The following FAM167A variants were observed in gnomAD, a reference collection of about 807,000 sequenced individuals.
The protein encoded by FAM167A is family with sequence similarity 167 member A.
Under a neutral mutation model 14.9 loss-of-function variants are expected in FAM167A, and 23 were observed. The ratio of observed to expected loss-of-function variants is 1.55; its 90% CI spans 1.11 to 2.19. The LOEUF (loss-of-function observed/expected upper bound fraction) is 2.19. FAM167A is among the 30% of genes most tolerant of loss of function. The pLI is 0.00. For missense variants in FAM167A, 401 were observed against 281.5 expected, an observed-to-expected ratio of 1.42 and a Z score of -3.04; for synonymous variants, 174 against 117.7, an observed-to-expected ratio of 1.48 and a Z score of -3.10.
intron 2 of FAM167A, among the ~76,000 whole-genome samples, chr8:11,441,848 C>T (rs1003654897): frequency 1.3e-5 from 2 of 152,130 alleles, no homozygotes; most frequent in African/African-American, 4.8e-5. Flanking sequence ...CATTCTGTTG[C>T]CTGCTGACAT....
intron 1 of FAM167A, among the ~76,000 whole-genome samples, chr8:11,454,443 G>T (rs997280546): frequency 1.3e-5 from 2 of 152,234 alleles, no homozygotes. Flanking sequence ...AGCCAGGCCA[G>T]GCCCATCAGT....
chr8:11,436,429 G>T (rs1057251194), intron 2 of FAM167A, among the ~76,000 whole-genome samples: 1 of 152,178 alleles, frequency 6.6e-6, no homozygotes, highest in Non-Finnish European at 1.5e-5. Flanking sequence ...GTTCTTGCTG[G>T]GCCCCCGGCA....
chr8:11,459,528 G>C (rs1272565603), intron 1 of FAM167A, among the ~76,000 whole-genome samples: 1 of 152,228 alleles, frequency 6.6e-6, no homozygotes, highest in African/African-American at 2.4e-5. Flanking sequence ...GCAGTGCCAA[G>C]CACGTGGGTG....
intron 1 of FAM167A, among the ~76,000 whole-genome samples, chr8:11,455,203 C>T (rs1257522532): frequency 7.6e-6 from 1 of 131,318 alleles, no homozygotes; most frequent in East Asian, 2.3e-4. Context: ...GGTTGCCTTG[C>T]TCTGTGTGTG....
At chr8:11,465,812 T>G (rs1807740638) in intron 1 of FAM167A, among the ~76,000 whole-genome samples, 1 of 151,776 alleles carries the variant, frequency 6.6e-6, no homozygotes, top group African/African-American at 2.4e-5. Flanking sequence ...TGACGGGGAG[T>G]TTGTGGAAAC....
At chr8:11,438,374 T>A (rs141938075) in intron 2 of FAM167A, 1 of 448,942 alleles carries the variant, frequency 2.2e-6, no homozygotes, top group South Asian at 1.6e-5. Flanking sequence ...GTTGGGAGAT[T>A]GAAGGCCTTA....
Position 11,424,291 on chromosome 8 carries a change from G to T in FAM167A, c.*82C>A. 6.4e-7 allele frequency: 1 copy of T among 1,572,392 alleles called. No homozygotes were observed. Among genetic ancestry groups the T allele is most frequent in the Non-Finnish European group, 8.7e-7 (1 of 1,154,790 alleles). On this transcript the variant is annotated 3_prime_UTR_variant, in exon 3 of 3. Transcript: ENST00000284486. ...ACCCCTGCCTCCGGGAGACCCACTG[G>T]AGTAACTTGGCCTCAGCTTCCTCTG...
intron 1 of FAM167A, among the ~76,000 whole-genome samples, chr8:11,454,365 C>T (rs545489068): frequency 1.3e-5 from 2 of 152,260 alleles, no homozygotes; most frequent in South Asian, 2.1e-4. Context: ...CCTCCGTCAA[C>T]ACCTGTCTGG....
chr8:11,431,375 C>G (rs1410585272), intron 2 of FAM167A, among the ~76,000 whole-genome samples: 1 of 152,136 alleles, frequency 6.6e-6, no homozygotes, highest in African/African-American at 2.4e-5. Flanking sequence ...GACAGTGGTG[C>G]CAAGGGCTGG....
At chr8:11,456,847 G>A (rs946477247) in intron 1 of FAM167A, among the ~76,000 whole-genome samples, 1 of 147,642 alleles carries the variant, frequency 6.8e-6, no homozygotes, top group Admixed American at 6.8e-5. Context: ...TTAGGGAAGT[G>A]GGCAGGGCTG....
In FAM167A at chr8:11,444,331, G is replaced by T; in HGVS notation, c.81C>A (p.Leu27=). The T allele has an allele frequency of 6.2e-7, 1 of 1,610,756 alleles. No homozygotes were observed. Residue 27 remains leucine (L), a synonymous_variant, in exon 2 of 3, where the codon CTC becomes CTA. Transcript: ENST00000284486. ...AGAAAPPDDH[L]RSLKALTEKL... is the part of the protein sequence containing the mutation. ...TCTCGGTGAGGGCCTTCAGGCTCCG[G>T]AGGTGGTCATCGGGTGGTGCGGCTG...
chr8:11,432,226 A>G (rs1203769277), intron 2 of FAM167A, among the ~76,000 whole-genome samples: 5 of 152,200 alleles, frequency 3.3e-5, no homozygotes, highest in African/African-American at 7.2e-5. Flanking sequence ...AAACGGCCCA[A>G]AGATTTTAGG....
Position 11,444,641 on chromosome 8 carries a change from G to A in FAM167A, c.-230C>T, listed in dbSNP as rs373541006. 7.5e-7 allele frequency: 1 copy of A among 1,324,790 alleles called. No homozygotes were observed. Among genetic ancestry groups the A allele is most frequent in the Admixed American group, 3.7e-5 (1 of 27,316 alleles). The allele number at this position is 1,324,790 out of a possible 1,614,324, so 82.1% of individuals were successfully genotyped here. A position where few individuals can be genotyped will look rare whatever the true frequency, so the allele number is the denominator to read the frequency against. On this transcript the variant is annotated 5_prime_UTR_variant, in exon 2 of 3. Transcript: ENST00000284486. ...AGGCTCGGGTCTATGATCCGTCCTG[G>A]AAGCCTGTGGGTGCCATGCTCCACA...
intron 1 of FAM167A, among the ~76,000 whole-genome samples, chr8:11,450,478 T>G (rs1806978627): frequency 6.6e-6 from 1 of 152,164 alleles, no homozygotes. Context: ...GCCACAGAGC[T>G]TATAAGTGGT....
At chr8:11,461,691 G>C (rs1056214609) in intron 1 of FAM167A, among the ~76,000 whole-genome samples, 3 of 152,186 alleles carry the variant, frequency 2.0e-5, no homozygotes, top group African/African-American at 4.8e-5. Flanking sequence ...CTCCAAACAA[G>C]GCAGATCTAG....
At chr8:11,454,547 G>A (rs1315723024) in intron 1 of FAM167A, among the ~76,000 whole-genome samples, 4 of 152,228 alleles carry the variant, frequency 2.6e-5, no homozygotes, top group African/African-American at 7.2e-5. Flanking sequence ...AGTGAGGCCA[G>A]CCCCACAGCC....
chr8:11,437,520 A>T (rs569693776), intron 2 of FAM167A, among the ~76,000 whole-genome samples: 1 of 152,224 alleles, frequency 6.6e-6, no homozygotes, highest in Non-Finnish European at 1.5e-5. Context: ...ATATGGTAGA[A>T]TCTGACTTGA....
chr8:11,438,297 G>A (rs554887001), intron 2 of FAM167A: 142 of 401,914 alleles, frequency 3.5e-4, no homozygotes, highest in Admixed American at 6.7e-4. Context: ...AGGACCTCCC[G>A]GTTGGGGTCA....
At chr8:11,431,957 G>A (rs538169524) in intron 2 of FAM167A, among the ~76,000 whole-genome samples, 55 of 151,198 alleles carry the variant, frequency 3.6e-4, no homozygotes, top group Admixed American at 9.9e-4. Flanking sequence ...GAGGCTGGCC[G>A]GGGTGACTCA....
Sources: allele counts gnomAD v4.1 joint callset (sites outside exome capture counted in the v4.1 genomes callset), GRCh38; gene constraint gnomAD v4.1.1; transcripts MANE v1.5; gene names NCBI Gene and HGNC (gene_info 2026-07-23, HGNC 2026-07-21).